The following CDH1 variants were observed in gnomAD, a reference collection of about 807,000 sequenced individuals.
The protein encoded by CDH1 is cadherin-1.
Under a neutral mutation model 84.5 loss-of-function variants are expected in CDH1, and 35 were observed. The ratio of observed to expected loss-of-function variants is 0.41; its 90% CI spans 0.32 to 0.55. CDH1 has a LOEUF of 0.55. CDH1 is among the 20% of genes least tolerant of loss of function. The probability of loss-of-function intolerance (pLI) is 0.19; values close to 1 mark genes in which losing one functional copy is unlikely to be tolerated. For synonymous variants in CDH1, 417 were observed against 439.0 expected (o/e 0.95, Z 0.63); for missense variants, 994 against 1,126.6 (o/e 0.88, Z 1.68).
intron 5 of CDH1, 131 bp downstream of exon 5, chr16:68,808,979 T>C: frequency 1.2e-6 from 1 of 824,332 alleles, no homozygotes; most frequent in South Asian, 1.5e-5. Flanking sequence ...TCTTGACCTG[T>C]TGCTAAGGAG....
chr16:68,796,953 C>T (rs929876015), intron 2 of CDH1, among the ~76,000 whole-genome samples: 2 of 151,980 alleles, frequency 1.3e-5, no homozygotes, highest in Admixed American at 6.6e-5. Context: ...GCCTGGGCAA[C>T]GTGGCAAAAC....
intron 2 of CDH1, among the ~76,000 whole-genome samples, chr16:68,780,488 G>C (rs1959844801): frequency 6.6e-6 from 1 of 152,048 alleles, no homozygotes; most frequent in African/African-American, 2.4e-5. Context: ...ATTTTTAGTA[G>C]AGATAGGGTT....
chr16:68,786,022 C>G (rs1960035843), intron 2 of CDH1, among the ~76,000 whole-genome samples: 1 of 152,298 alleles, frequency 6.6e-6, no homozygotes, highest in East Asian at 1.9e-4. Context: ...ACAGGTGCCC[C>G]ATCTCCTTGT....
At chr16:68,745,904 G>A (rs1019817088) in intron 2 of CDH1, among the ~76,000 whole-genome samples, 8 of 152,066 alleles carry the variant, frequency 5.3e-5, no homozygotes, top group South Asian at 2.1e-4. Context: ...TGCAACCTCC[G>A]CCTCCTGGCT....
At chr16:68,745,963 A>T (rs565706190) in intron 2 of CDH1, among the ~76,000 whole-genome samples, 1 of 152,236 alleles carries the variant, frequency 6.6e-6, no homozygotes, top group Non-Finnish European at 1.5e-5. Context: ...GATTACAGGC[A>T]TGCACCACTA....
At chr16:68,745,326 TA>T (rs946954068) in intron 2 of CDH1, among the ~76,000 whole-genome samples, 12 of 148,114 alleles carry the variant, frequency 8.1e-5, no homozygotes, top group African/African-American at 1.0e-4. Flanking sequence ...CTACAAAGAT[TA>T]AAAAAAAAAT....
intron 3 of CDH1, among the ~76,000 whole-genome samples, chr16:68,802,631 C>T (rs539696968): frequency 5.3e-5 from 8 of 152,112 alleles, no homozygotes; most frequent in East Asian, 3.9e-4. Flanking sequence ...CCACCATACC[C>T]GGCTAATTTT....
chr16:68,819,258 G>A, intron 10 of CDH1, 22 bp from the exon 11 acceptor site: 1 of 1,614,158 alleles, frequency 6.2e-7, no homozygotes, highest in East Asian at 2.2e-5. Context: ...TATTCTAAAA[G>A]CCAGAGCTTG....
chr16:68,809,020 G>A, intron 5 of CDH1, 172 bp downstream of exon 5: 1 of 656,260 alleles, frequency 1.5e-6, no homozygotes, highest in Middle Eastern at 4.1e-4. Context: ...ACAGTTTGGG[G>A]TTGTTAATTT....
rs572726537 is a variant in CDH1, at chr16:68,756,513, G to C, written c.163+18102G>C. 7.9e-5 allele frequency among the ~76,000 whole-genome samples: 12 copies of C among 152,190 alleles called. No homozygotes were observed. In the South Asian group the frequency reaches 2.3e-3, roughly 29 times the overall value. On this transcript the variant is annotated intron_variant, in intron 2 of 15. Transcript: ENST00000261769. ...GCCGGCTCTTACTCATAAGTCCCAG[G>C]AGATACTAGCCCTAGATCTCGTCTC...
intron 2 of CDH1, among the ~76,000 whole-genome samples, chr16:68,785,873 C>T (rs1277903598): frequency 6.6e-6 from 1 of 152,148 alleles, no homozygotes; most frequent in Non-Finnish European, 1.5e-5. Context: ...TAGTGAATAA[C>T]CTTTTACATA....
At chr16:68,801,196 C>T (rs1220185853) in intron 2 of CDH1, among the ~76,000 whole-genome samples, 1 of 152,168 alleles carries the variant, frequency 6.6e-6, no homozygotes, top group Non-Finnish European at 1.5e-5. Context: ...ACTGCAACCT[C>T]CACCTTACAG....
At chr16:68,776,614 C>T (rs1230665903) in intron 2 of CDH1, among the ~76,000 whole-genome samples, 2 of 152,144 alleles carry the variant, frequency 1.3e-5, no homozygotes, top group Non-Finnish European at 2.9e-5. Flanking sequence ...AGCTATCCTC[C>T]TACCTTGGCT....
chr16:68,793,114 T>C (rs1323201140), intron 2 of CDH1, among the ~76,000 whole-genome samples: 2 of 152,192 alleles, frequency 1.3e-5, no homozygotes, highest in Admixed American at 1.3e-4. Flanking sequence ...ATGGATGTTG[T>C]GGGCACGTTA....
At position 68,833,505 on chromosome 16, in the gene CDH1, T is replaced by C. The variant is rs1472521467; in HGVS notation, c.*6T>C. The C allele has an allele frequency of 1.5e-5, 24 of 1,611,720 alleles. No homozygotes were observed. The highest frequency in any genetic ancestry group is 2.0e-5 in the Non-Finnish European group (24 of 1,178,624). On this transcript the variant is annotated 3_prime_UTR_variant, in exon 16 of 16. Transcript: ENST00000261769. The stretch of plus-strand genomic sequence containing the variant: ...GAGGCGGCGAGGACGACTAGGGGAC[T>C]CGAGAGAGGCGGGCCCCAGACCCAT...
At position 68,810,303 on chromosome 16, in the gene CDH1, A is replaced by T. The variant is rs587782728; in HGVS notation, c.794A>T (p.Glu265Val). The change falls in exon 6 of 16, where the codon GAG becomes GTG. Residue 265 changes from glutamate (E) to valine (V), a missense_variant. Coordinates refer to ENST00000261769, the MANE Select transcript of CDH1 (RefSeq NM_004360.5). ...GACAACAAGCCCGAATTCACCCAGG[A>T]GGTCTTTAAGGGGTCTGTCATGGAA... The part of the protein sequence containing the change: ...QNDNKPEFTQ[E>V]VFKGSVMEGA... The T allele has an allele frequency of 1.5e-5, 24 of 1,613,990 alleles. No homozygotes were observed. The highest frequency in any genetic ancestry group is 1.9e-5 in the Non-Finnish European group (23 of 1,179,980).
intron 2 of CDH1, among the ~76,000 whole-genome samples, chr16:68,779,546 T>C (rs2061747547): frequency 6.6e-6 from 1 of 152,178 alleles, no homozygotes. Context: ...TGCATGGTGC[T>C]TCTGATAGGG....
intron 3 of CDH1, among the ~76,000 whole-genome samples, chr16:68,806,212 C>T (rs1376113048): frequency 1.3e-5 from 2 of 151,552 alleles, no homozygotes; most frequent in African/African-American, 2.4e-5. Context: ...AGTGCAGTGG[C>T]ATGATCTCAG....
intron 7 of CDH1, 119 bp downstream of exon 7, chr16:68,811,978 T>A: frequency 1.4e-6 from 2 of 1,441,808 alleles, no homozygotes; most frequent in Non-Finnish European, 1.9e-6. Context: ...GTCTAAGCTT[T>A]GCATCTAAGC....
Sources: allele counts gnomAD v4.1 joint callset (sites outside exome capture counted in the v4.1 genomes callset), GRCh38; gene constraint gnomAD v4.1.1; transcripts MANE v1.5; gene names NCBI Gene and HGNC (gene_info 2026-07-23, HGNC 2026-07-21).